Variants in TTLL11 observed in about 807,000 individuals in gnomAD.
TTLL11 encodes tubulin polyglutamylase TTLL11.
TTLL11 carries 42 observed loss-of-function variants against 51.7 expected under a neutral mutation model. The observed-to-expected ratio is 0.81, with a 90% CI of 0.64 to 1.05. The LOEUF (loss-of-function observed/expected upper bound fraction) is 1.05. TTLL11 is among the 50% of genes least tolerant of loss of function. The pLI is 0.00. For missense variants in TTLL11, 799 were observed against 940.4 expected (o/e 0.85, Z 1.97); for synonymous variants, 381 against 383.5 (o/e 0.99, Z 0.08).
chr9:121,981,825 T>C (rs143559604), intron 4 of TTLL11, among the ~76,000 whole-genome samples: 5 of 152,318 alleles, frequency 3.3e-5, no homozygotes, highest in Admixed American at 1.3e-4. Flanking sequence ...GGAGACTCCA[T>C]TGCATGCTCC....
intron 6 of TTLL11, among the ~76,000 whole-genome samples, chr9:121,903,775 G>A (rs905410192): frequency 6.6e-6 from 1 of 152,186 alleles, no homozygotes; most frequent in Admixed American, 6.5e-5. Context: ...CTCTGGTTCT[G>A]CCACGTCTAT....
intron 8 of TTLL11, among the ~76,000 whole-genome samples, chr9:121,851,575 G>A (rs182527299): frequency 7.2e-5 from 11 of 152,260 alleles, no homozygotes; most frequent in East Asian, 5.8e-4. Context: ...GTCAATCACC[G>A]GCAGTTGCAT....
At chr9:121,990,549 T>G (rs1401966125) in intron 3 of TTLL11, among the ~76,000 whole-genome samples, 2 of 152,168 alleles carry the variant, frequency 1.3e-5, no homozygotes, top group Non-Finnish European at 2.9e-5. Flanking sequence ...CCTTCCTCTA[T>G]CCTACCATGT....
intron 3 of TTLL11, among the ~76,000 whole-genome samples, chr9:122,015,598 G>A (rs72765988): frequency 0.039 from 5,957 of 152,222 alleles, 118 homozygotes; most frequent in African/African-American, 0.059. Context: ...TACTGCAGAC[G>A]TGTGAGGGCG....
At chr9:121,842,669 G>A (rs968588670) in intron 8 of TTLL11, among the ~76,000 whole-genome samples, 5 of 152,208 alleles carry the variant, frequency 3.3e-5, no homozygotes, top group Non-Finnish European at 5.9e-5. Flanking sequence ...TGGGCCAGAT[G>A]AGTCTCTGTC....
At chr9:121,975,277 A>T (rs1842677265) in intron 4 of TTLL11, among the ~76,000 whole-genome samples, 1 of 152,166 alleles carries the variant, frequency 6.6e-6, no homozygotes, top group Non-Finnish European at 1.5e-5. Context: ...GTTGAGGATG[A>T]GTAGTAGCCC....
At chr9:121,865,145 G>A (rs1175142402) in intron 7 of TTLL11, among the ~76,000 whole-genome samples, 2 of 152,206 alleles carry the variant, frequency 1.3e-5, no homozygotes, top group Non-Finnish European at 2.9e-5. Flanking sequence ...AGAAGCAGGG[G>A]AGATTATCAA....
intron 1 of TTLL11, among the ~76,000 whole-genome samples, chr9:122,061,935 C>A (rs944435440): frequency 1.3e-5 from 2 of 152,106 alleles, no homozygotes; most frequent in Non-Finnish European, 2.9e-5. Flanking sequence ...TGCACCCAGC[C>A]GAATTATCTT....
intron 6 of TTLL11, among the ~76,000 whole-genome samples, chr9:121,947,806 A>T (rs971079877): frequency 1.3e-5 from 2 of 152,208 alleles, no homozygotes; most frequent in Admixed American, 6.5e-5. Context: ...CAGGATCTCC[A>T]GTACCCCCGC....
chr9:121,826,277 T>C lies in TTLL11; in HGVS notation c.1841-3398A>G, dbSNP rs369916843. ...GTTATATATATGGGTAAAACCCATA[T>C]ATATATGAGTGTGTGGGTGTATATA... On this transcript the variant is annotated intron_variant, in intron 8 of 8. Transcript: ENST00000321582. Among the ~76,000 whole-genome samples the C allele has an allele frequency of 1.6e-4, 20 of 124,110 alleles. No individual in the cohort carries two copies. In the East Asian group the frequency reaches 3.6e-3, roughly 22 times the overall value. 81.4% of individuals were successfully genotyped at this position (124,110 alleles called of 152,430 possible). A position where few individuals can be genotyped will look rare whatever the true frequency, so the allele number is the denominator to read the frequency against.
intron 5 of TTLL11, among the ~76,000 whole-genome samples, 173 bp from the exon 6 acceptor site, chr9:121,974,297 T>G (rs1281615561): frequency 6.6e-6 from 1 of 152,218 alleles, no homozygotes; most frequent in African/African-American, 2.4e-5. Context: ...CTTTTATAAA[T>G]TAACCAAATA....
chr9:122,081,519 G>T (rs1588265134), intron 1 of TTLL11, among the ~76,000 whole-genome samples: 1 of 152,172 alleles, frequency 6.6e-6, no homozygotes, highest in East Asian at 1.9e-4. Context: ...CATACTTACT[G>T]CACAAAGCCA....
intron 6 of TTLL11, among the ~76,000 whole-genome samples, chr9:121,895,495 T>C (rs1301463071): frequency 1.2e-4 from 18 of 151,470 alleles, no homozygotes; most frequent in Admixed American, 1.2e-3. Flanking sequence ...GTGTGTGTGG[T>C]TGTGTGTAGT....
At chr9:121,941,586 C>T (rs1270858729) in intron 6 of TTLL11, among the ~76,000 whole-genome samples, 1 of 152,188 alleles carries the variant, frequency 6.6e-6, no homozygotes, top group Admixed American at 6.5e-5. Flanking sequence ...CTTAGCTCAT[C>T]AGATCCCACT....
At chr9:122,000,519 T>G (rs1196266461) in intron 3 of TTLL11, among the ~76,000 whole-genome samples, 1 of 148,564 alleles carries the variant, frequency 6.7e-6, no homozygotes, top group Admixed American at 6.7e-5. Context: ...TAAAACAGCT[T>G]GCTGTCAAGA....
intron 8 of TTLL11, among the ~76,000 whole-genome samples, chr9:121,833,536 T>G (rs1837091046): frequency 6.6e-6 from 1 of 152,186 alleles, no homozygotes; most frequent in South Asian, 2.1e-4. Context: ...ACATCCATTT[T>G]TCTCATCTAC....
chr9:121,927,379 T>C lies in TTLL11; in HGVS notation c.1481+46630A>G, dbSNP rs1840775067. Among the ~76,000 whole-genome samples, 4 of 152,372 alleles carry C rather than the reference T, an allele frequency of 2.6e-5. No individual in the cohort carries two copies. In the South Asian group the frequency reaches 8.3e-4, roughly 32 times the overall value. ...AAGCTTTTCAGTTCCTCCGGGAATT[T>C]GATCTTCATGGTTACTATTTTTTTG... is the stretch of plus-strand genomic sequence containing the variant. On this transcript the variant is annotated intron_variant, in intron 6 of 8. Coordinates refer to ENST00000321582, the MANE Select transcript of TTLL11 (RefSeq NM_001139442.2).
At chr9:121,882,781 C>T (rs764024306) in intron 6 of TTLL11, among the ~76,000 whole-genome samples, 8 of 152,184 alleles carry the variant, frequency 5.3e-5, no homozygotes, top group Non-Finnish European at 1.0e-4. Flanking sequence ...AGACACCAGC[C>T]CACAGCCTTC....
intron 8 of TTLL11, among the ~76,000 whole-genome samples, chr9:121,823,166 A>T (rs913094349): frequency 6.6e-6 from 1 of 152,246 alleles, no homozygotes; most frequent in South Asian, 2.1e-4. Flanking sequence ...AGTCTCAGAG[A>T]CACGGAGAGA....
Sources: allele counts gnomAD v4.1 joint callset (sites outside exome capture counted in the v4.1 genomes callset), GRCh38; gene constraint gnomAD v4.1.1; transcripts MANE v1.5; gene names NCBI Gene and HGNC (gene_info 2026-07-23, HGNC 2026-07-21).